CECR2: variants seen among roughly 807,000 people sequenced by gnomAD.
The protein encoded by CECR2 is CECR2 histone acetyl-lysine reader.
CECR2 carries 30 observed loss-of-function variants against 154.5 expected under a neutral mutation model. The ratio of observed to expected loss-of-function variants is 0.19; its 90% confidence interval spans 0.15 to 0.26. CECR2 has a LOEUF of 0.26. Among genes scored for constraint, CECR2 ranks in the 10% least tolerant of loss-of-function variants. CECR2 has a pLI of 1.00. For missense variants in CECR2, 1,743 were observed against 1,829.3 expected, an observed-to-expected ratio of 0.95 and a Z score of 0.86; for synonymous variants, 725 against 683.7, an observed-to-expected ratio of 1.06 and a Z score of -0.94.
In CECR2 at chr22:17,503,018, G is replaced by A. The variant is rs1601470718; in HGVS notation, c.651-64G>A. 26 of 1,437,554 alleles carry A rather than the reference G, an allele frequency of 1.8e-5. No individual in the cohort carries two copies. In the East Asian group the frequency reaches 5.8e-4, roughly 32 times the overall value. The allele number at this position is 1,437,554 out of a possible 1,614,324, so 89.0% of individuals were successfully genotyped here. On this transcript the variant is annotated intron_variant, in intron 5 of 18. Coordinates refer to ENST00000262608, the MANE Select transcript of CECR2 (RefSeq NM_001290047.2). ...AATTAATGGGTTCTACCATCCTGGG[G>A]TGGCACAGAACAATTTTGGACCTGT...
intron 1 of CECR2, among the ~76,000 whole-genome samples, chr22:17,466,475 A>T (rs2055034268): frequency 6.6e-6 from 1 of 152,322 alleles, no homozygotes; most frequent in East Asian, 1.9e-4. Flanking sequence ...TAGTTTAGTT[A>T]TCTGTAAAAT....
At chr22:17,547,256 G>A (rs2056629027) in intron 16 of CECR2, among the ~76,000 whole-genome samples, 1 of 150,250 alleles carries the variant, frequency 6.7e-6, no homozygotes, top group African/African-American at 2.4e-5. Flanking sequence ...TTGAGATGGA[G>A]TCTCACTCTG....
intron 4 of CECR2, among the ~76,000 whole-genome samples, chr22:17,500,028 G>A (rs1011644091): frequency 6.6e-6 from 1 of 151,994 alleles, no homozygotes; most frequent in Non-Finnish European, 1.5e-5. Flanking sequence ...TGGCTAATAC[G>A]GTGAAACCCT....
chr22:17,420,905 CT>C (rs1406544596), intron 1 of CECR2, among the ~76,000 whole-genome samples: 4 of 152,148 alleles, frequency 2.6e-5, no homozygotes, highest in Admixed American at 6.5e-5. Flanking sequence ...TATATCACCC[CT>C]GTCCCTCACC....
intron 1 of CECR2, among the ~76,000 whole-genome samples, chr22:17,406,497 T>TG (rs1569061190): frequency 1.3e-5 from 2 of 152,174 alleles, no homozygotes; most frequent in African/African-American, 2.4e-5. Context: ...CACTCCACCC[T>TG]GGGGGGTGAC....
intron 9 of CECR2, chr22:17,534,601 G>A (rs999330775): frequency 2.7e-4 from 41 of 150,112 alleles, no homozygotes; most frequent in African/African-American, 9.8e-4. Context: ...CCCGCCTCCC[G>A]GGTTCACACC....
intron 1 of CECR2, among the ~76,000 whole-genome samples, chr22:17,396,316 G>A (rs1283792257): frequency 1.3e-5 from 2 of 151,834 alleles, no homozygotes; most frequent in Admixed American, 6.6e-5. Flanking sequence ...AGGCCAAGGC[G>A]GGTGGATCAC....
In CECR2 at chr22:17,487,679, A is replaced by T. The variant is rs556173055; in HGVS notation, c.222-9724A>T. 6.0e-4 allele frequency among the ~76,000 whole-genome samples: 91 copies of T among 152,088 alleles called. 1 individual carries two copies. Among genetic ancestry groups the T allele is most frequent in the Admixed American group, 4.8e-3 (73 of 15,254 alleles). On this transcript the variant is annotated intron_variant, in intron 2 of 18. Transcript: ENST00000262608. ...GCACAAGCCTGGGTGTCTCAAAAAA[A>T]TTTTTTTCATTAAATACTCATGATG...
At position 17,406,532 on chromosome 22, in the gene CECR2, C is replaced by G. The variant is rs561187472; in HGVS notation, c.126+36623C>G. ...CAGAACAGGATTCTGTTCCTCCCCCCACCCCTCCCTCCAAAAAAAAGAAAA... is the reference window on the plus strand; with the variant it reads ...CAGAACAGGATTCTGTTCCTCCCCCGACCCCTCCCTCCAAAAAAAAGAAAA... On this transcript the variant is annotated intron_variant, in intron 1 of 18. Coordinates refer to ENST00000262608, the MANE Select transcript of CECR2 (RefSeq NM_001290047.2). Among the ~76,000 whole-genome samples the G allele has an allele frequency of 3.3e-5, 5 of 152,188 alleles. No homozygotes were observed. In the South Asian group the frequency reaches 1.0e-3, roughly 32 times the overall value.
At chr22:17,471,478 C>T (rs1048676209) in intron 1 of CECR2, among the ~76,000 whole-genome samples, 8 of 152,158 alleles carry the variant, frequency 5.3e-5, no homozygotes, top group African/African-American at 1.7e-4. Flanking sequence ...CCAACTTTCG[C>T]AGTGCTCAGG....
At chr22:17,378,611 T>C (rs1307393097) in intron 1 of CECR2, among the ~76,000 whole-genome samples, 2 of 152,190 alleles carry the variant, frequency 1.3e-5, no homozygotes, top group East Asian at 1.9e-4. Context: ...TTAGCAGTAT[T>C]GTTGGCCTCT....
intron 1 of CECR2, among the ~76,000 whole-genome samples, chr22:17,392,143 G>T (rs978003564): frequency 6.6e-6 from 1 of 152,136 alleles, no homozygotes; most frequent in African/African-American, 2.4e-5. Context: ...AAAAATAAGC[G>T]TGGCTTGGTA....
intron 1 of CECR2, among the ~76,000 whole-genome samples, chr22:17,468,417 C>T (rs1329097842): frequency 1.3e-5 from 2 of 152,080 alleles, no homozygotes; most frequent in African/African-American, 2.4e-5. Context: ...TGGTGGCTCA[C>T]GCCTGTAATC....
intron 2 of CECR2, among the ~76,000 whole-genome samples, chr22:17,479,043 A>G (rs1375941757): frequency 6.6e-6 from 1 of 151,978 alleles, no homozygotes; most frequent in African/African-American, 2.4e-5. Flanking sequence ...TTATAACCAC[A>G]TTTTCTAAAT....
At chr22:17,496,876 T>A (rs1235699263) in intron 2 of CECR2, among the ~76,000 whole-genome samples, 2 of 152,156 alleles carry the variant, frequency 1.3e-5, no homozygotes, top group Admixed American at 1.3e-4. Flanking sequence ...ACCTATTCTG[T>A]GAAAAACCCT....
chr22:17,485,778 A>T (rs1030969363), intron 2 of CECR2, among the ~76,000 whole-genome samples: 6 of 152,196 alleles, frequency 3.9e-5, no homozygotes, highest in African/African-American at 1.4e-4. Flanking sequence ...TCCAAAAAAG[A>T]AAAGAAAGTA....
intron 2 of CECR2, among the ~76,000 whole-genome samples, chr22:17,480,459 C>CACACACAGAGAGAGAG (rs373106595): frequency 7.0e-6 from 1 of 143,740 alleles, no homozygotes; most frequent in Non-Finnish European, 1.5e-5. Flanking sequence ...CACACACACA[C>CACACACAGAGAGAGAG]AGAGAAAAGT....
At chr22:17,525,792 T>C (rs894138391) in intron 9 of CECR2, among the ~76,000 whole-genome samples, 5 of 152,218 alleles carry the variant, frequency 3.3e-5, no homozygotes, top group African/African-American at 1.2e-4. Context: ...TTTTATTTAA[T>C]AGGGTCCTTA....
intron 1 of CECR2, among the ~76,000 whole-genome samples, chr22:17,437,999 T>C (rs1311787642): frequency 6.6e-6 from 1 of 152,248 alleles, no homozygotes; most frequent in African/African-American, 2.4e-5. Flanking sequence ...AATTTTTTTC[T>C]GTGATCTAGG....
Sources: gnomAD v4.1 joint callset for allele counts (sites outside exome capture counted in the v4.1 genomes callset) on GRCh38, gnomAD v4.1.1 for gene constraint, MANE v1.5 for transcripts, NCBI Gene and HGNC (gene_info 2026-07-23, HGNC 2026-07-21) for gene names.